Variants in AP3B1 observed in about 807,000 individuals in gnomAD.
AP3B1 encodes adaptor related protein complex 3 subunit beta 1, also known as AP-3 complex subunit beta-1.
Under a neutral mutation model 132.5 loss-of-function variants are expected in AP3B1, and 61 were observed. The observed-to-expected ratio is 0.46, with a 90% confidence interval of 0.37 to 0.57. The LOEUF is 0.57. AP3B1 is among the 20% of genes least tolerant of loss of function. The pLI is 0.00. For missense variants in AP3B1, 1,120 were observed against 1,289.4 expected (o/e 0.87, Z 2.01); for synonymous variants, 388 against 438.3 (o/e 0.89, Z 1.43).
chr5:78,269,659 G>A (rs1748469563), intron 1 of AP3B1, among the ~76,000 whole-genome samples: 1 of 152,072 alleles, frequency 6.6e-6, no homozygotes, highest in Non-Finnish European at 1.5e-5. Context: ...ATGTAGTACT[G>A]TACACTATAT....
chr5:78,219,882 C>G (rs1746108345), intron 6 of AP3B1, among the ~76,000 whole-genome samples: 1 of 152,036 alleles, frequency 6.6e-6, no homozygotes. Flanking sequence ...GTATATGTAT[C>G]AGCAGCAACA....
chr5:78,028,907 C>T (rs1200900780), intron 24 of AP3B1, among the ~76,000 whole-genome samples: 1 of 152,040 alleles, frequency 6.6e-6, no homozygotes, highest in Non-Finnish European at 1.5e-5. Context: ...TATTTTGTAA[C>T]TTAAAAGATC....
At chr5:78,237,048 G>A (rs1198821608) in intron 3 of AP3B1, among the ~76,000 whole-genome samples, 1 of 152,176 alleles carries the variant, frequency 6.6e-6, no homozygotes, top group African/African-American at 2.4e-5. Flanking sequence ...TTTAAATCCA[G>A]TACTAATTTA....
chr5:78,113,656 T>C, intron 19 of AP3B1, 96 bp downstream of exon 19: 3 of 1,400,994 alleles, frequency 2.1e-6, no homozygotes, highest in Admixed American at 3.5e-5. Flanking sequence ...ACACACTTTT[T>C]TTCTCTCACC....
chr5:78,167,656 C>CACAT (rs908168960), intron 11 of AP3B1, among the ~76,000 whole-genome samples: 13 of 152,000 alleles, frequency 8.6e-5, no homozygotes, highest in Non-Finnish European at 1.5e-4. Flanking sequence ...CACACACACA[C>CACAT]ACATACACAC....
chr5:78,108,574 C>A (rs1367801733), intron 20 of AP3B1, among the ~76,000 whole-genome samples: 7 of 152,140 alleles, frequency 4.6e-5, no homozygotes, highest in Non-Finnish European at 7.4e-5. Context: ...ACAAAACTAT[C>A]AACAATGTGA....
At chr5:78,120,776 C>A (rs1159074758) in intron 17 of AP3B1, among the ~76,000 whole-genome samples, 4 of 152,166 alleles carry the variant, frequency 2.6e-5, no homozygotes, top group Non-Finnish European at 5.9e-5. Context: ...CAACATTAAA[C>A]AGATCAACGA....
intron 17 of AP3B1, among the ~76,000 whole-genome samples, chr5:78,122,511 A>C (rs1257769702): frequency 6.6e-6 from 1 of 152,222 alleles, no homozygotes; most frequent in Non-Finnish European, 1.5e-5. Flanking sequence ...CAGGATACAA[A>C]ATCAATGTGC....
intron 6 of AP3B1, among the ~76,000 whole-genome samples, chr5:78,222,800 T>C (rs1746236411): frequency 6.6e-6 from 1 of 151,762 alleles, no homozygotes; most frequent in Non-Finnish European, 1.5e-5. Context: ...TGATTTACCA[T>C]ACATTAAAAA....
chr5:78,123,299 T>C (rs1269171492), intron 17 of AP3B1, among the ~76,000 whole-genome samples: 8 of 152,240 alleles, frequency 5.3e-5, no homozygotes, highest in Non-Finnish European at 1.2e-4. Flanking sequence ...AAGGACTTCA[T>C]GTCTAAAACA....
chr5:78,005,240 C>T (rs1746342435), intron 26 of AP3B1, among the ~76,000 whole-genome samples: 1 of 152,090 alleles, frequency 6.6e-6, no homozygotes, highest in Non-Finnish European at 1.5e-5. Flanking sequence ...CTTATTAGTC[C>T]CTTTATTTAC....
intron 7 of AP3B1, among the ~76,000 whole-genome samples, chr5:78,207,420 C>A (rs1745554995): frequency 6.6e-6 from 1 of 151,700 alleles, no homozygotes; most frequent in Non-Finnish European, 1.5e-5. Context: ...GAGTGAGATC[C>A]TGTCTCAAAA....
chr5:78,002,922 G>A lies in AP3B1; in HGVS notation c.3265C>T (p.Pro1089Ser). The A allele has an allele frequency of 6.2e-7, 1 of 1,614,172 alleles. No homozygotes were observed. The highest frequency in any genetic ancestry group is 1.1e-5 in the South Asian group (1 of 91,080). Reference protein sequence around the residue: ...IGSVLLRELKPVLSQG With the variant: ...IGSVLLRELKSVLSQG ...GCAGGTTACCCCTGAGACAGGACAGGCTTCAGTTCCCGCAGCAGAACAGAG... is the reference window on the plus strand; with the variant it reads ...GCAGGTTACCCCTGAGACAGGACAGACTTCAGTTCCCGCAGCAGAACAGAG... The change falls in exon 27 of 27, where the codon CCT (proline) becomes TCT (serine). Residue 1089 changes from proline to serine, a missense_variant. Transcript: ENST00000255194.
At chr5:78,098,717 T>G (rs543500266) in intron 21 of AP3B1, among the ~76,000 whole-genome samples, 20 of 152,322 alleles carry the variant, frequency 1.3e-4, no homozygotes, top group African/African-American at 4.8e-4. Flanking sequence ...CTTATATGTT[T>G]TATTAATTCA....
In AP3B1 at chr5:78,294,494, G is replaced by A. The variant is rs746625977; in HGVS notation, c.86C>T (p.Ser29Phe). ...ELGQEATSTI[S>F]PSGAFGLFSS... ...AAAGAGGCCGAAGGCCCCCGAGGGGGAAATGGTTGAGGTCGCCTCCTGACC... is the reference window on the plus strand; with the variant it reads ...AAAGAGGCCGAAGGCCCCCGAGGGGAAAATGGTTGAGGTCGCCTCCTGACC... Residue 29 changes from serine (S) to phenylalanine (F), a missense_variant, in exon 1 of 27, where the codon TCC becomes TTC. By Grantham distance (155) the Ser-to-Phe change is radical. Transcript: ENST00000255194. The A allele has an allele frequency of 1.5e-5, 24 of 1,614,138 alleles. No homozygotes were observed. The highest frequency in any genetic ancestry group is 2.2e-5 in the South Asian group (2 of 91,096).
At chr5:78,289,671 T>C (rs1254219164) in intron 1 of AP3B1, among the ~76,000 whole-genome samples, 2 of 152,218 alleles carry the variant, frequency 1.3e-5, no homozygotes, top group Non-Finnish European at 2.9e-5. Context: ...TTAATTTTCC[T>C]GTTAGCATCT....
At chr5:78,032,463 T>C (rs986996656) in intron 24 of AP3B1, among the ~76,000 whole-genome samples, 1 of 152,180 alleles carries the variant, frequency 6.6e-6, no homozygotes, top group East Asian at 1.9e-4. Flanking sequence ...CTATTTACTA[T>C]GCAAAAGGCA....
intron 17 of AP3B1, among the ~76,000 whole-genome samples, chr5:78,120,070 A>C (rs1310704840): frequency 1.3e-5 from 2 of 152,180 alleles, no homozygotes; most frequent in African/African-American, 2.4e-5. Context: ...TCAACCCAGA[A>C]TTTCATATCC....
chr5:78,222,866 A>G (rs1445858487), intron 6 of AP3B1, among the ~76,000 whole-genome samples: 1 of 152,114 alleles, frequency 6.6e-6, no homozygotes, highest in African/African-American at 2.4e-5. Context: ...TTAAATATTT[A>G]ACTCTAATTA....
Sources: allele counts gnomAD v4.1 joint callset (sites outside exome capture counted in the v4.1 genomes callset), GRCh38; gene constraint gnomAD v4.1.1; transcripts MANE v1.5; gene names NCBI Gene and HGNC (gene_info 2026-07-23, HGNC 2026-07-21).